SLC2A5: variants seen among roughly 807,000 people sequenced by gnomAD.
SLC2A5 encodes solute carrier family 2, facilitated glucose transporter member 5.
A neutral mutation model predicts 50.3 loss-of-function variants in SLC2A5; 56 were observed. The ratio of observed to expected loss-of-function variants is 1.11; its 90% CI spans 0.90 to 1.39. The LOEUF is 1.39. Among genes scored for constraint, SLC2A5 ranks in the 40% most tolerant of loss-of-function variants. The pLI, the probability that SLC2A5 is intolerant of heterozygous loss-of-function variation, is 0.00. For synonymous variants in SLC2A5, 269 were observed against 281.9 expected (o/e 0.95, Z 0.46); for missense variants, 566 against 650.1 (o/e 0.87, Z 1.41).
At position 9,037,683 on chromosome 1, in the gene SLC2A5, T is replaced by G; in HGVS notation, c.1409A>C (p.Glu470Ala). The G allele has an allele frequency of 6.2e-7, 1 of 1,614,196 alleles. No individual in the cohort carries two copies. Among genetic ancestry groups the G allele is most frequent in the Non-Finnish European group, 8.5e-7 (1 of 1,180,038 alleles). ...CATCTTGGTGAAAATCTGGTTGATC[T>G]CTATGAACGTCTTGGCCTTGGTCTC... is the stretch of plus-strand genomic sequence containing the variant. ...VPETKAKTFI[E>A]INQIFTKMNK... The change falls in exon 12 of 12, where the codon GAG becomes GCG. Residue 470 changes from glutamate (E) to alanine (A), a missense_variant. Transcript: ENST00000377424.
upstream of SLC2A5, among the ~76,000 whole-genome samples, chr1:9,089,941 T>C (rs999865396): frequency 6.6e-6 from 1 of 152,172 alleles, no homozygotes; most frequent in Non-Finnish European, 1.5e-5. Flanking sequence ...TATCCATTAA[T>C]ATTACTTCCT....
At chr1:9,060,939 A>G (rs764555851) in intron 1 of SLC2A5, among the ~76,000 whole-genome samples, 1 of 150,392 alleles carries the variant, frequency 6.6e-6, no homozygotes, top group Non-Finnish European at 1.5e-5. Flanking sequence ...TGATTTTGTT[A>G]CAGACAAAGA....
At chr1:9,057,358 C>A in intron 3 of SLC2A5, 90 bp downstream of exon 3, 7 of 698,272 alleles carry the variant, frequency 1.0e-5, no homozygotes, top group African/African-American at 1.9e-5. Flanking sequence ...TTATCTTAGT[C>A]TCATGGTAAG....
At chr1:9,080,820 C>T (rs970479546) in intron 2 of SLC2A5, among the ~76,000 whole-genome samples, 1 of 152,188 alleles carries the variant, frequency 6.6e-6, no homozygotes, top group Non-Finnish European at 1.5e-5. Flanking sequence ...AAGGAATGTG[C>T]TTATGGGACC....
At chr1:9,049,550 C>A (rs1447667264) in intron 3 of SLC2A5, among the ~76,000 whole-genome samples, 1 of 151,814 alleles carries the variant, frequency 6.6e-6, no homozygotes, top group Non-Finnish European at 1.5e-5. Flanking sequence ...CATGGTGAAA[C>A]CTCGTCGTCT....
At chr1:9,079,697 G>A (rs1642331634) in intron 2 of SLC2A5, among the ~76,000 whole-genome samples, 1 of 152,110 alleles carries the variant, frequency 6.6e-6, no homozygotes. Flanking sequence ...ATGTTGGCCA[G>A]GCTGATCTCA....
At position 9,055,926 on chromosome 1, in the gene SLC2A5, G is replaced by T. The variant is rs1460645793; in HGVS notation, c.293+1522C>A. Among the ~76,000 whole-genome samples, 3 of 152,080 alleles carry T rather than the reference G, an allele frequency of 2.0e-5. No individual in the cohort carries two copies. The South Asian group carries it at 6.2e-4, about 32-fold the overall frequency. On this transcript the variant is annotated intron_variant, in intron 3 of 11. Transcript: ENST00000377424. ...GCAAGACTCTACCTCAAAAAATAAA[G>T]AAATAAATAACACCCACAAATACTT...
chr1:9,057,491 T>A lies in SLC2A5; in HGVS notation c.250A>T (p.Ile84Phe), dbSNP rs1458565959. The change falls in exon 3 of 12, where the codon ATC (isoleucine) becomes TTC (phenylalanine). Residue 84 changes from isoleucine (I) to phenylalanine (F), a missense_variant. By Grantham distance (21) the Ile-to-Phe change is conservative (BLOSUM62 0). Coordinates refer to ENST00000377424, the MANE Select transcript of SLC2A5 (RefSeq NM_003039.3). ...AAGGGGCCGACCAGGAGGGATCCGATAAACCCTCCAAATGGAAACATGGAC... is the reference window on the plus strand; with the variant it reads ...AAGGGGCCGACCAGGAGGGATCCGAAAAACCCTCCAAATGGAAACATGGAC... Reference protein sequence around the residue: ...TVSMFPFGGFIGSLLVGPLVN... With the variant: ...TVSMFPFGGFFGSLLVGPLVN... The A allele has an allele frequency of 6.2e-7, 1 of 1,613,894 alleles. No individual in the cohort carries two copies. Among genetic ancestry groups the A allele is most frequent in the South Asian group, 1.1e-5 (1 of 91,062 alleles).
At chr1:9,086,579 T>C (rs879305430) in intron 1 of SLC2A5, among the ~76,000 whole-genome samples, 12 of 151,992 alleles carry the variant, frequency 7.9e-5, no homozygotes, top group Non-Finnish European at 1.8e-4. Flanking sequence ...TTAGTACAGA[T>C]AGTGTTTCAC....
At chr1:9,078,545 C>T (rs552448880) in intron 2 of SLC2A5, among the ~76,000 whole-genome samples, 2 of 152,242 alleles carry the variant, frequency 1.3e-5, no homozygotes, top group South Asian at 2.1e-4. Context: ...TTACCACTAA[C>T]GAATTTATCC....
At chr1:9,087,864 C>T (rs1162496110) in intron 1 of SLC2A5, among the ~76,000 whole-genome samples, 3 of 152,096 alleles carry the variant, frequency 2.0e-5, no homozygotes, top group African/African-American at 7.2e-5. Flanking sequence ...CTCTCTTCCT[C>T]GTGTGCCTCC....
chr1:9,052,011 C>T (rs949703995), intron 3 of SLC2A5, among the ~76,000 whole-genome samples: 15 of 152,160 alleles, frequency 9.9e-5, no homozygotes, highest in African/African-American at 3.4e-4. Flanking sequence ...CTGGGCCAGG[C>T]GCGGTGGCTC....
intron 3 of SLC2A5, among the ~76,000 whole-genome samples, chr1:9,048,482 A>G (rs1331167245): frequency 2.0e-5 from 3 of 152,150 alleles, no homozygotes; most frequent in Non-Finnish European, 2.9e-5. Flanking sequence ...ACTGCACTCC[A>G]GCCTGGGTGA....
chr1:9,063,371 A>AT (rs973664083), intron 1 of SLC2A5, among the ~76,000 whole-genome samples: 2 of 150,364 alleles, frequency 1.3e-5, no homozygotes, highest in East Asian at 2.0e-4. Flanking sequence ...ATTTATTTAA[A>AT]TTTTTTTTGT....
chr1:9,057,939 G>A (rs988094903), intron 2 of SLC2A5, among the ~76,000 whole-genome samples: 1 of 152,186 alleles, frequency 6.6e-6, no homozygotes, highest in African/African-American at 2.4e-5. Flanking sequence ...CCCCCTCCTA[G>A]AGCCCGGCCC....
chr1:9,067,872 C>A (rs552179903), intron 1 of SLC2A5, among the ~76,000 whole-genome samples: 2 of 152,102 alleles, frequency 1.3e-5, no homozygotes, highest in East Asian at 3.9e-4. Flanking sequence ...GAGAAACCAG[C>A]CTAAAGAATG....
chr1:9,065,551 G>A (rs1642058733), intron 1 of SLC2A5, among the ~76,000 whole-genome samples: 2 of 152,218 alleles, frequency 1.3e-5, no homozygotes, highest in Admixed American at 1.3e-4. Context: ...CAAACAGGTA[G>A]TGGGAGGGGC....
intron 1 of SLC2A5, among the ~76,000 whole-genome samples, chr1:9,064,116 C>T (rs925338257): frequency 1.3e-5 from 2 of 152,308 alleles, no homozygotes; most frequent in Non-Finnish European, 2.9e-5. Context: ...GTGTGAGCCA[C>T]AGTGCCAGCC....
In SLC2A5 at chr1:9,039,905, C is replaced by A. The variant is rs1488557990; in HGVS notation, c.780G>T (p.Ala260=). 6.2e-7 allele frequency: 1 copy of A among 1,612,872 alleles called. No individual in the cohort carries two copies. The highest frequency in any genetic ancestry group is 1.7e-5 in the Admixed American group (1 of 60,002). The stretch of plus-strand genomic sequence containing the variant: ...ACAGCTTCAGCACGGAGATGAAGCC[C>A]GCGGCCTTCTCTGCCTCATCCTCCT... ...IRQEDEAEKA[A]GFISVLKLFR... is the part of the protein sequence containing the mutation. Residue 260 remains alanine (A), a synonymous_variant, in exon 7 of 12, where the codon GCG becomes GCT. Transcript: ENST00000377424.
Sources: allele counts gnomAD v4.1 joint callset (sites outside exome capture counted in the v4.1 genomes callset), GRCh38; gene constraint gnomAD v4.1.1; transcripts MANE v1.5; gene names NCBI Gene and HGNC (gene_info 2026-07-23, HGNC 2026-07-21).